Variants in RNF43 observed in about 807,000 individuals in gnomAD.
RNF43 encodes the protein E3 ubiquitin-protein ligase RNF43.
Under a neutral mutation model 78.4 loss-of-function variants are expected in RNF43, and 37 were observed. That is an observed-to-expected ratio of 0.47 (90% confidence interval 0.36 to 0.62). RNF43 has a LOEUF of 0.62. Among genes scored for constraint, RNF43 ranks in the 20% least tolerant of loss-of-function variants. The pLI, the probability that RNF43 is intolerant of heterozygous loss-of-function variation, is 0.00. For synonymous variants in RNF43, 347 were observed against 395.0 expected (o/e 0.88, Z 1.44); for missense variants, 774 against 1,007.9 (o/e 0.77, Z 3.14).
At chr17:58,379,617 T>A (rs1253310833) in intron 2 of RNF43, among the ~76,000 whole-genome samples, 4 of 152,214 alleles carry the variant, frequency 2.6e-5, no homozygotes, top group African/African-American at 9.7e-5. Context: ...TAGGCTTCTT[T>A]ACATGAAAAC....
chr17:58,414,659 C>G (rs1202730763), intron 2 of RNF43, among the ~76,000 whole-genome samples: 1 of 152,184 alleles, frequency 6.6e-6, no homozygotes, highest in Non-Finnish European at 1.5e-5. Flanking sequence ...GAAACTATGT[C>G]TGAAAAACTT....
At position 58,357,357 on chromosome 17, in the gene RNF43, C is replaced by T. The variant is rs1972706501; in HGVS notation, c.2308+111G>A. The T allele has an allele frequency of 1.4e-6, 2 of 1,379,432 alleles. No homozygotes were observed. The highest frequency in any genetic ancestry group is 2.1e-6 in the Non-Finnish European group (2 of 970,378). The allele number at this position is 1,379,432 out of a possible 1,614,324, so 85.4% of individuals were successfully genotyped here. ...TTAAGTATTTTGGTTGTCATCTCTG[C>T]TGTATCCTTCTCAGCTTCCATCAAC... On this transcript the variant is annotated intron_variant, in intron 9 of 9. Transcript: ENST00000407977. The surrounding 1 kb of genome is among the most constrained non-coding windows in gnomAD (Gnocchi z 4.5).
intron 2 of RNF43, among the ~76,000 whole-genome samples, chr17:58,409,679 T>C (rs1254915372): frequency 6.6e-6 from 1 of 152,066 alleles, no homozygotes; most frequent in Non-Finnish European, 1.5e-5. Context: ...GGCCCGGGAA[T>C]ACCTTTAATA....
intron 2 of RNF43, among the ~76,000 whole-genome samples, chr17:58,390,342 T>G (rs1274504947): frequency 2.0e-5 from 3 of 152,234 alleles, no homozygotes; most frequent in African/African-American, 7.2e-5. Flanking sequence ...TAGAAGAATG[T>G]CACGTGGCCC....
At chr17:58,387,991 C>A (rs1281663119) in intron 2 of RNF43, among the ~76,000 whole-genome samples, 1 of 151,802 alleles carries the variant, frequency 6.6e-6, no homozygotes, top group Non-Finnish European at 1.5e-5. Context: ...ACACACACCC[C>A]CTCCATAAAA....
intron 3 of RNF43, 23 bp downstream of exon 3, chr17:58,370,888 T>C: frequency 6.4e-7 from 1 of 1,573,590 alleles, no homozygotes; most frequent in Non-Finnish European, 8.6e-7. Flanking sequence ...TCCGGGTGTG[T>C]GTAGGGCGAA....
chr17:58,364,792 C>A (rs972675338), intron 3 of RNF43, among the ~76,000 whole-genome samples: 7 of 152,224 alleles, frequency 4.6e-5, no homozygotes, highest in African/African-American at 1.4e-4. Context: ...CTGGGACTTA[C>A]TCACAGGCTC....
chr17:58,360,228 G>T lies in RNF43; in HGVS notation c.873C>A (p.Leu291=), dbSNP rs148147597. The T allele has an allele frequency of 1.5e-4, 245 of 1,614,024 alleles. No individual in the cohort carries two copies. Among genetic ancestry groups the T allele is most frequent in the Non-Finnish European group, 1.9e-4 (228 of 1,180,008 alleles). ...CCACACAGTTACGATGGAACTCATG[G>T]AGGCAGGAAATGACCCGTAGCTCCT... ...EGQELRVISC[L]HEFHRNCVDP... is the part of the protein sequence containing the mutation. Residue 291 remains leucine, a synonymous_variant, in exon 8 of 10, where the codon CTC becomes CTA. Coordinates refer to ENST00000407977, the MANE Select transcript of RNF43 (RefSeq NM_017763.6). This position sits in a 1 kb window ranked among gnomAD's most constrained non-coding sequence, Gnocchi z 4.3.
chr17:58,371,047 C>T lies in RNF43; in HGVS notation c.253-14G>A, dbSNP rs1367694389. The T allele has an allele frequency of 5.8e-6, 9 of 1,560,492 alleles. No individual in the cohort carries two copies. Among genetic ancestry groups the T allele is most frequent in the Non-Finnish European group, 7.8e-6 (9 of 1,147,756 alleles). On this transcript the variant is annotated splice_polypyrimidine_tract_variant and intron_variant, in intron 2 of 9. Transcript: ENST00000407977. ...CAGCGGGTGGGACTGCAGAGAGAGA[C>T]AGACTTGGGTTAGGGAGGCTTTAGG... is the stretch of plus-strand genomic sequence containing the variant.
At position 58,358,770 on chromosome 17, in the gene RNF43, C is replaced by T. The variant is rs1408668484; in HGVS notation, c.1006G>A (p.Gly336Ser). The T allele has an allele frequency of 6.4e-7, 1 of 1,559,394 alleles. No homozygotes were observed. Among genetic ancestry groups the T allele is most frequent in the Admixed American group, 1.9e-5 (1 of 53,352 alleles). The part of the protein sequence containing the change: ...LGPSRSYQEP[G>S]RRLHLIRQHP... ...TGGCGAATGAGGTGGAGTCTTCGACCTGGTTCTTGGTAAGATCGAGAGGGT... is the reference window on the plus strand; with the variant it reads ...TGGCGAATGAGGTGGAGTCTTCGACTTGGTTCTTGGTAAGATCGAGAGGGT... The change falls in exon 9 of 10, where the codon GGT becomes AGT. Residue 336 changes from glycine to serine, a missense_variant. Physicochemically the swap from Gly to Ser is moderately conservative, Grantham distance 56. Transcript: ENST00000407977. The surrounding 1 kb of genome is among the most constrained non-coding windows in gnomAD (Gnocchi z 6.2).
chr17:58,376,994 G>A (rs528528068), intron 2 of RNF43, among the ~76,000 whole-genome samples: 18 of 152,208 alleles, frequency 1.2e-4, no homozygotes, highest in Admixed American at 6.5e-5. Flanking sequence ...ACTGTCCTTC[G>A]GTGGTGTGTG....
intron 2 of RNF43, among the ~76,000 whole-genome samples, chr17:58,377,527 C>T (rs1973228568): frequency 6.6e-6 from 1 of 152,168 alleles, no homozygotes; most frequent in African/African-American, 2.4e-5. Flanking sequence ...CTCATTACCT[C>T]CTCACAAAGG....
At chr17:58,402,433 T>TG (rs1429818151) in intron 2 of RNF43, among the ~76,000 whole-genome samples, 2 of 152,178 alleles carry the variant, frequency 1.3e-5, no homozygotes, top group African/African-American at 4.8e-5. Context: ...CTATCCATCA[T>TG]TTTTTTCCCC....
At chr17:58,365,225 G>A (rs1233019804) in intron 3 of RNF43, among the ~76,000 whole-genome samples, 2 of 152,156 alleles carry the variant, frequency 1.3e-5, no homozygotes, top group African/African-American at 2.4e-5. Flanking sequence ...CAAGGGTAAG[G>A]GAGAAGTACC....
chr17:58,396,186 T>C (rs949931901), intron 2 of RNF43, among the ~76,000 whole-genome samples: 5 of 152,112 alleles, frequency 3.3e-5, no homozygotes, highest in Non-Finnish European at 1.5e-5. Context: ...CAACGTGATA[T>C]GGAGGATACA....
intron 2 of RNF43, among the ~76,000 whole-genome samples, chr17:58,414,092 A>G (rs1247334056): frequency 1.3e-5 from 2 of 152,202 alleles, no homozygotes; most frequent in Non-Finnish European, 2.9e-5. Context: ...TTTTCCAGAT[A>G]TACTCTTCTT....
At chr17:58,392,026 C>T (rs944265847) in intron 2 of RNF43, among the ~76,000 whole-genome samples, 1 of 152,186 alleles carries the variant, frequency 6.6e-6, no homozygotes, top group Non-Finnish European at 1.5e-5. Context: ...CAGAAATCTA[C>T]ACCACATAAT....
At chr17:58,384,032 G>A (rs1412019289) in intron 2 of RNF43, among the ~76,000 whole-genome samples, 1 of 152,248 alleles carries the variant, frequency 6.6e-6, no homozygotes, top group Non-Finnish European at 1.5e-5. Context: ...CCCTGAGAAT[G>A]TATGTAGGCC....
chr17:58,407,685 T>C lies in RNF43; in HGVS notation c.252+7641A>G, dbSNP rs193071416. 2.2e-4 allele frequency among the ~76,000 whole-genome samples: 33 copies of C among 152,230 alleles called. No individual in the cohort carries two copies. The East Asian group carries it at 6.4e-3, about 29-fold the overall frequency. On this transcript the variant is annotated intron_variant, in intron 2 of 9. Coordinates refer to ENST00000407977, the MANE Select transcript of RNF43 (RefSeq NM_017763.6). ...TTTAAAAAATATATAAAGTTTTCCA[T>C]TAGAGCAAATAGAAATTTAAGGGCC...
Sources: allele counts gnomAD v4.1 joint callset (sites outside exome capture counted in the v4.1 genomes callset), GRCh38; gene constraint gnomAD v4.1.1; non-coding constraint Gnocchi (gnomAD v3.1); transcripts MANE v1.5; gene names NCBI Gene and HGNC (gene_info 2026-07-23, HGNC 2026-07-21).